TLN2: variants seen among roughly 807,000 people sequenced by gnomAD.
The protein encoded by TLN2 is talin-2.
TLN2 carries 118 observed loss-of-function variants against 294.7 expected under a neutral mutation model. That is an observed-to-expected ratio of 0.40 (90% CI 0.34 to 0.47). The LOEUF is 0.47. Ranked by LOEUF, TLN2 falls within the 20% of genes least tolerant of loss-of-function variation. The pLI, the probability that TLN2 is intolerant of heterozygous loss-of-function variation, is 0.84. For synonymous variants in TLN2, 1,431 were observed against 1,304.5 expected (o/e 1.10, Z -2.09); for missense variants, 3,083 against 3,282.2 (o/e 0.94, Z 1.48).
At chr15:62,738,644 T>C (rs1317729209) in intron 30 of TLN2, among the ~76,000 whole-genome samples, 1 of 152,170 alleles carries the variant, frequency 6.6e-6, no homozygotes, top group Non-Finnish European at 1.5e-5. Flanking sequence ...CAGTCAGGTG[T>C]TGGAAGGGTA....
At chr15:62,406,996 A>G (rs112340037) in intron 1 of TLN2, among the ~76,000 whole-genome samples, 1 of 152,300 alleles carries the variant, frequency 6.6e-6, no homozygotes, top group African/African-American at 2.4e-5. Context: ...CTGTAACACA[A>G]ATTGTCAGAC....
chr15:62,420,765 T>G (rs1020601540), intron 1 of TLN2, among the ~76,000 whole-genome samples: 1 of 152,162 alleles, frequency 6.6e-6, no homozygotes, highest in African/African-American at 2.4e-5. Flanking sequence ...ACAGGACCCA[T>G]TTAGGATTAA....
chr15:62,521,541 C>T (rs1259235136), intron 1 of TLN2, among the ~76,000 whole-genome samples: 3 of 152,058 alleles, frequency 2.0e-5, no homozygotes, highest in African/African-American at 7.2e-5. Flanking sequence ...AAGAGTTAAG[C>T]TTTGTCTAAA....
At chr15:62,615,703 T>G (rs1033730562) in intron 2 of TLN2, among the ~76,000 whole-genome samples, 1 of 152,268 alleles carries the variant, frequency 6.6e-6, no homozygotes, top group Non-Finnish European at 1.5e-5. Flanking sequence ...TCTTGGAACA[T>G]AAACACTCAT....
Sources: allele counts gnomAD v4.1 joint callset (sites outside exome capture counted in the v4.1 genomes callset), GRCh38; gene constraint gnomAD v4.1.1; transcripts MANE v1.5; gene names NCBI Gene and HGNC (gene_info 2026-07-23, HGNC 2026-07-21).